Variants in KCNB2 observed in about 807,000 individuals in gnomAD.
KCNB2 encodes potassium voltage-gated channel subfamily B member 2, also known as delayed rectifier potassium channel protein.
Under a neutral mutation model 61.5 loss-of-function variants are expected in KCNB2, and 15 were observed. The observed-to-expected ratio is 0.24, with a 90% CI of 0.16 to 0.38. The LOEUF (loss-of-function observed/expected upper bound fraction) is 0.38, where lower values mean the gene tolerates loss of function less well. Among genes scored for constraint, KCNB2 ranks in the 10% least tolerant of loss-of-function variants. KCNB2 has a pLI of 1.00. For synonymous variants in KCNB2, 457 were observed against 446.0 expected (o/e 1.02, Z -0.31); for missense variants, 828 against 1,125.2 (o/e 0.74, Z 3.78).
chr8:72,809,725 A>G (rs1488182971), intron 2 of KCNB2, among the ~76,000 whole-genome samples: 1 of 152,220 alleles, frequency 6.6e-6, no homozygotes, highest in Admixed American at 6.5e-5. Flanking sequence ...GTTCTCCAGT[A>G]GATTCAGTAT....
chr8:72,586,504 A>G (rs752079779), intron 2 of KCNB2, among the ~76,000 whole-genome samples: 2 of 152,232 alleles, frequency 1.3e-5, no homozygotes, highest in African/African-American at 4.8e-5. Context: ...CTCAATAGAA[A>G]AGAACTAAGG....
At chr8:72,673,626 A>G (rs1277672494) in intron 2 of KCNB2, among the ~76,000 whole-genome samples, 1 of 152,222 alleles carries the variant, frequency 6.6e-6, no homozygotes, top group Non-Finnish European at 1.5e-5. Context: ...AAAAGTCATG[A>G]CATTCTGTTA....
chr8:72,821,641 CAAAAAAAAAAAAAAAA>C (rs61090576), intron 2 of KCNB2, among the ~76,000 whole-genome samples: 1 of 125,754 alleles, frequency 8.0e-6, no homozygotes, highest in Non-Finnish European at 1.6e-5. Flanking sequence ...CAAAAAAAAA[CAAAAAAAAAAAAAAAA>C]AAACACACAC....
At chr8:72,745,628 A>G (rs1313904843) in intron 2 of KCNB2, among the ~76,000 whole-genome samples, 7 of 152,164 alleles carry the variant, frequency 4.6e-5, no homozygotes, top group Non-Finnish European at 1.0e-4. Context: ...CGATTTGCCA[A>G]CCATGGACAT....
chr8:72,636,430 AC>A (rs1805968215), intron 2 of KCNB2, among the ~76,000 whole-genome samples: 1 of 152,206 alleles, frequency 6.6e-6, no homozygotes, highest in Non-Finnish European at 1.5e-5. Context: ...TGGAAAGGAT[AC>A]AATTTTCCTC....
chr8:72,929,680 G>T (rs1806734541), intron 2 of KCNB2, among the ~76,000 whole-genome samples: 1 of 152,182 alleles, frequency 6.6e-6, no homozygotes, highest in South Asian at 2.1e-4. Context: ...AATGTTAGAG[G>T]TTAAGTGACC....
intron 2 of KCNB2, among the ~76,000 whole-genome samples, chr8:72,682,752 C>T (rs1806781699): frequency 6.6e-6 from 1 of 152,066 alleles, no homozygotes; most frequent in Non-Finnish European, 1.5e-5. Flanking sequence ...TACCACCATC[C>T]CCAGCTAACT....
chr8:72,569,113 A>C (rs1023692804), intron 2 of KCNB2, among the ~76,000 whole-genome samples: 1 of 152,152 alleles, frequency 6.6e-6, no homozygotes, highest in African/African-American at 2.4e-5. Flanking sequence ...TAGAGCTTCC[A>C]AGGTTAGCTC....
intron 2 of KCNB2, among the ~76,000 whole-genome samples, chr8:72,835,864 C>T (rs1371779): frequency 0.81 from 123,873 of 152,250 alleles, 51,133 homozygotes; most frequent in African/African-American, 0.95. Context: ...ACAGGTGCTG[C>T]GCTAGCTGTG....
chr8:72,661,842 C>T (rs1400216989), intron 2 of KCNB2, among the ~76,000 whole-genome samples: 1 of 152,160 alleles, frequency 6.6e-6, no homozygotes, highest in Non-Finnish European at 1.5e-5. Flanking sequence ...CTCTAAAAAT[C>T]TCTATTTTAA....
At chr8:72,661,954 G>T (rs1410455829) in intron 2 of KCNB2, among the ~76,000 whole-genome samples, 1 of 152,206 alleles carries the variant, frequency 6.6e-6, no homozygotes, top group East Asian at 1.9e-4. Context: ...ATAATTTGTT[G>T]TAGAGTCTGG....
intron 2 of KCNB2, among the ~76,000 whole-genome samples, chr8:72,759,078 T>C (rs2128996307): frequency 6.6e-6 from 1 of 152,274 alleles, no homozygotes; most frequent in East Asian, 1.9e-4. Context: ...AGTGTTATGT[T>C]GGGGCCACGG....
At chr8:72,895,033 G>A (rs1805969217) in intron 2 of KCNB2, among the ~76,000 whole-genome samples, 1 of 152,090 alleles carries the variant, frequency 6.6e-6, no homozygotes, top group East Asian at 1.9e-4. Flanking sequence ...TTAGAAAATG[G>A]TTGGGAAAAT....
At chr8:72,572,993 G>A (rs1346167371) in intron 2 of KCNB2, among the ~76,000 whole-genome samples, 1 of 152,126 alleles carries the variant, frequency 6.6e-6, no homozygotes, top group Admixed American at 6.5e-5. Flanking sequence ...AGCTGCTGGT[G>A]GCAGATGGGC....
chr8:72,651,167 T>C (rs544984042), intron 2 of KCNB2, among the ~76,000 whole-genome samples: 1 of 152,306 alleles, frequency 6.6e-6, no homozygotes, highest in South Asian at 2.1e-4. Context: ...TTTCTTTCAA[T>C]ATAAACATGT....
chr8:72,742,227 A>G (rs546946219), intron 2 of KCNB2, among the ~76,000 whole-genome samples: 4 of 152,302 alleles, frequency 2.6e-5, no homozygotes, highest in Admixed American at 2.6e-4. Context: ...TTTGTTCACC[A>G]TTGATCTTTG....
chr8:72,708,154 C>T (rs1030365623), intron 2 of KCNB2, among the ~76,000 whole-genome samples: 4 of 152,174 alleles, frequency 2.6e-5, no homozygotes, highest in African/African-American at 9.7e-5. Context: ...AAGGAACCTG[C>T]TGCTGTGGTC....
intron 2 of KCNB2, among the ~76,000 whole-genome samples, chr8:72,831,100 C>T (rs572455980): frequency 3.9e-5 from 6 of 152,328 alleles, no homozygotes; most frequent in Admixed American, 2.0e-4. Flanking sequence ...ATTGGCCTTG[C>T]GCCTCATGCC....
At chr8:72,822,647 G>C (rs1439170653) in intron 2 of KCNB2, among the ~76,000 whole-genome samples, 1 of 152,062 alleles carries the variant, frequency 6.6e-6, no homozygotes, top group Non-Finnish European at 1.5e-5. Context: ...CAGCCACAAT[G>C]ATCTTTTTTA....
Sources: gnomAD v4.1 joint callset for allele counts (sites outside exome capture counted in the v4.1 genomes callset) on GRCh38, gnomAD v4.1.1 for gene constraint, MANE v1.5 for transcripts, NCBI Gene and HGNC (gene_info 2026-07-23, HGNC 2026-07-21) for gene names.